The following DMD variants were observed in gnomAD, a reference collection of about 807,000 sequenced individuals.
DMD encodes the protein mutant dystrophin.
Under a neutral mutation model 330.1 loss-of-function variants are expected in DMD, and 63 were observed. The observed-to-expected ratio is 0.19, with a 90% CI of 0.16 to 0.24. The LOEUF (loss-of-function observed/expected upper bound fraction) is 0.24. Ranked by LOEUF, DMD falls within the 10% of genes least tolerant of loss-of-function variation. The probability of loss-of-function intolerance (pLI) is 1.00; values close to 1 mark genes in which losing one functional copy is unlikely to be tolerated. For missense variants in DMD, 3,344 were observed against 2,684.1 expected, an observed-to-expected ratio of 1.25 and a Z score of -5.43; for synonymous variants, 1,223 against 959.8, an observed-to-expected ratio of 1.27 and a Z score of -5.07.
At chrX:32,013,301 G>A (rs1396589779) in intron 44 of DMD, among the ~76,000 whole-genome samples, 1 of 109,460 alleles carries the variant, frequency 9.1e-6, no homozygotes, top group Non-Finnish European at 1.9e-5. Flanking sequence ...TGGCCAGGAT[G>A]GTCTCGAACT....
chrX:33,122,090 G>A (rs1389767098), intron 1 of DMD, among the ~76,000 whole-genome samples: 1 of 111,541 alleles, frequency 9.0e-6, no homozygotes, highest in Non-Finnish European at 1.9e-5. Context: ...GTCAGGCACG[G>A]TGGTGCATGC....
intron 2 of DMD, among the ~76,000 whole-genome samples, chrX:32,931,368 G>C (rs768210730): frequency 9.0e-6 from 1 of 111,257 alleles, no homozygotes; most frequent in Non-Finnish European, 1.9e-5. Context: ...CGATAGTTGC[G>C]TTATTTAGAT....
At position 32,782,929 on chromosome X, in the gene DMD, G is replaced by A. The variant is rs1452254286; in HGVS notation, c.649+26564C>T. Among the ~76,000 whole-genome samples the A allele has an allele frequency of 3.0e-5, 3 of 100,300 alleles. No homozygotes were observed. In the East Asian group the frequency reaches 9.3e-4, roughly 31 times the overall value. The allele number at this position is 100,300 out of a possible 115,157, so 87.1% of individuals were successfully genotyped here. On this transcript the variant is annotated intron_variant, in intron 7 of 78. Transcript: ENST00000357033. ...TATCATATATACACAAACACCCCAT[G>A]TACCCACAAAAATTATATACACACA...
At chrX:31,929,485 C>T (rs1218349122) in intron 47 of DMD, 111 bp downstream of exon 47, 1 of 903,164 alleles carries the variant, frequency 1.1e-6, no homozygotes, top group Non-Finnish European at 1.6e-6. Context: ...AACAAAACAA[C>T]AATCCACATA....
chrX:33,300,568 T>C (rs1280415126), intron 1 of DMD, among the ~76,000 whole-genome samples: 1 of 111,826 alleles, frequency 8.9e-6, no homozygotes, highest in Non-Finnish European at 1.9e-5. Flanking sequence ...AAGATGACTA[T>C]ATTATAAGGT....
In DMD at chrX:32,145,311, C is replaced by A. The variant is rs759292795; in HGVS notation, c.6438+71605G>T. 4.1e-3 allele frequency among the ~76,000 whole-genome samples: 461 copies of A among 112,145 alleles called. 1 individual carries two copies. Among genetic ancestry groups the A allele is most frequent in the African/African-American group, 0.014 (434 of 30,894 alleles). ...TAGATAAGGCATATACACACATAAA[C>A]ATTGTGAATAGTGGTAACACATTCA... On this transcript the variant is annotated intron_variant, in intron 44 of 78. Transcript: ENST00000357033.
At chrX:31,692,734 A>T (rs1323933540) in intron 52 of DMD, among the ~76,000 whole-genome samples, 1 of 111,783 alleles carries the variant, frequency 8.9e-6, no homozygotes, top group Non-Finnish European at 1.9e-5. Context: ...AAATCTGAAA[A>T]GACCAGTAAC....
intron 1 of DMD, among the ~76,000 whole-genome samples, chrX:33,150,302 T>G (rs1455238201): frequency 1.9e-5 from 2 of 103,301 alleles, no homozygotes; most frequent in Non-Finnish European, 4.0e-5. Context: ...CTTTTTTTTT[T>G]TTTTTTTTTT....
intron 50 of DMD, among the ~76,000 whole-genome samples, chrX:31,785,822 T>C (rs988060356): frequency 3.6e-5 from 4 of 112,033 alleles, no homozygotes; most frequent in Admixed American, 2.8e-4. Context: ...GGTGTATATG[T>C]GCCACATTTT....
chrX:31,837,199 T>C (rs1379035809), intron 48 of DMD, among the ~76,000 whole-genome samples: 1 of 112,438 alleles, frequency 8.9e-6, no homozygotes, highest in African/African-American at 3.2e-5. Context: ...CTTATTGTTT[T>C]ACAAAATTCT....
intron 13 of DMD, among the ~76,000 whole-genome samples, chrX:32,574,386 G>A (rs1308252394): frequency 1.8e-5 from 2 of 111,509 alleles, no homozygotes; most frequent in South Asian, 7.4e-4. Context: ...AAAATTTTCT[G>A]TTTCTAAACT....
chrX:31,250,034 G>A (rs2049190779), intron 63 of DMD, among the ~76,000 whole-genome samples: 1 of 109,820 alleles, frequency 9.1e-6, no homozygotes, highest in African/African-American at 3.3e-5. Flanking sequence ...GACAGAATCA[G>A]AATTTAAATC....
intron 51 of DMD, among the ~76,000 whole-genome samples, chrX:31,767,384 T>C (rs1267908617): frequency 9.1e-6 from 1 of 109,747 alleles, no homozygotes; most frequent in Non-Finnish European, 1.9e-5. Context: ...TTTGTTATAA[T>C]TTGGATGGAG....
intron 50 of DMD, among the ~76,000 whole-genome samples, chrX:31,777,777 G>C (rs1181856523): frequency 8.9e-6 from 1 of 112,042 alleles, no homozygotes; most frequent in Non-Finnish European, 1.9e-5. Flanking sequence ...CATCATACAT[G>C]TAAGTCACCT....
chrX:32,786,067 C>A (rs2075327136), intron 7 of DMD, among the ~76,000 whole-genome samples: 1 of 102,481 alleles, frequency 9.8e-6, no homozygotes, highest in Non-Finnish European at 2.0e-5. Context: ...TGTACTCTTG[C>A]CTCTTGAGGA....
intron 12 of DMD, among the ~76,000 whole-genome samples, chrX:32,611,072 T>C (rs1157843743): frequency 9.0e-6 from 1 of 110,870 alleles, no homozygotes; most frequent in Non-Finnish European, 1.9e-5. Context: ...ATGTTTCAGG[T>C]TTAAATAAAG....
Position 33,268,268 on chromosome X carries a change from G to A in DMD, c.7+70991C>T, listed in dbSNP as rs974383927. Among the ~76,000 whole-genome samples the A allele has an allele frequency of 4.5e-5, 5 of 111,321 alleles. No individual in the cohort carries two copies. The South Asian group carries it at 1.9e-3, about 42-fold the overall frequency. ...GTCTCCCAAAGTGCTGGGATTACAGGCATGAGGCACTGCGCCCGGCCGGCA... is the reference window on the plus strand; with the variant it reads ...GTCTCCCAAAGTGCTGGGATTACAGACATGAGGCACTGCGCCCGGCCGGCA... On this transcript the variant is annotated intron_variant, in intron 1 of 17. Transcript: ENST00000288447.
intron 74 of DMD, among the ~76,000 whole-genome samples, chrX:31,162,789 C>T (rs2038996587): frequency 9.0e-6 from 1 of 111,622 alleles, no homozygotes; most frequent in African/African-American, 3.3e-5. Flanking sequence ...TCTGGGTTAT[C>T]CATTCACTGC....
intron 1 of DMD, among the ~76,000 whole-genome samples, chrX:33,275,115 G>A (rs1397099973): frequency 8.9e-6 from 1 of 112,135 alleles, no homozygotes; most frequent in African/African-American, 3.2e-5. Flanking sequence ...TAAAATTCAG[G>A]CTGCATGAAA....
Sources: allele counts gnomAD v4.1 joint callset (sites outside exome capture counted in the v4.1 genomes callset), GRCh38; gene constraint gnomAD v4.1.1; transcripts MANE v1.5; gene names NCBI Gene and HGNC (gene_info 2026-07-23, HGNC 2026-07-21).